The following OSBP2 variants were observed in gnomAD, a reference collection of about 807,000 sequenced individuals.
OSBP2 encodes the protein oxysterol-binding protein 2.
In OSBP2, 66 loss-of-function variants were observed where a neutral mutation model predicts 96.0. The observed-to-expected ratio is 0.69, with a 90% confidence interval of 0.56 to 0.84. The LOEUF is 0.84. Ranked by LOEUF, OSBP2 falls within the 40% of genes least tolerant of loss-of-function variation. The pLI is 0.00. For missense variants in OSBP2, 1,038 were observed against 1,222.7 expected (o/e 0.85, Z 2.25); for synonymous variants, 525 against 520.9 (o/e 1.01, Z -0.11).
At chr22:30,903,187 GTTTCC>G (rs1443817345) in intron 12 of OSBP2, among the ~76,000 whole-genome samples, 1 of 152,142 alleles carries the variant, frequency 6.6e-6, no homozygotes, top group Admixed American at 6.5e-5. Flanking sequence ...GACTCCAGGT[GTTTCC>G]TTTCACTTCC....
intron 2 of OSBP2, among the ~76,000 whole-genome samples, chr22:30,755,665 C>T (rs1206761504): frequency 6.6e-6 from 1 of 152,078 alleles, no homozygotes; most frequent in Non-Finnish European, 1.5e-5. Context: ...TTTATAAGGT[C>T]CCCACAGGGT....
intron 3 of OSBP2, among the ~76,000 whole-genome samples, chr22:30,886,773 G>A (rs1201761713): frequency 6.6e-6 from 1 of 152,104 alleles, no homozygotes; most frequent in African/African-American, 2.4e-5. Context: ...TAGGAATTTG[G>A]GCAAGATAAA....
rs531519651 is a variant in OSBP2 at position 30,904,595 on chromosome 22, A to AATAT, written c.2376-1228_2376-1225dup. 3.0e-3 allele frequency among the ~76,000 whole-genome samples: 444 copies of AATAT among 149,908 alleles called. 2 individuals carry two copies. Among genetic ancestry groups the AATAT allele is most frequent in the South Asian group, 0.025 (118 of 4,734 alleles). On this transcript the variant is annotated intron_variant, in intron 12 of 13. Coordinates refer to ENST00000332585, the MANE Select transcript of OSBP2 (RefSeq NM_030758.4). ...ACAAAAGAAATGCTTACATAATTAA[A>AATAT]ATATATATATATATATACACACATT... is the stretch of plus-strand genomic sequence containing the variant.
chr22:30,725,199 A>AAC (rs1291479905), intron 1 of OSBP2, among the ~76,000 whole-genome samples: 3 of 144,512 alleles, frequency 2.1e-5, no homozygotes, highest in Non-Finnish European at 4.6e-5. Context: ...CAAAAAAACA[A>AAC]AAAAAAAACA....
chr22:30,906,091 G>A (rs558408127), intron 13 of OSBP2, 22 bp downstream of exon 13: 7 of 1,522,112 alleles, frequency 4.6e-6, no homozygotes, highest in South Asian at 1.2e-5. Flanking sequence ...CGGGAAGGGC[G>A]CCCCGGAGGG....
At chr22:30,869,323 C>T (rs1214274531) in intron 2 of OSBP2, among the ~76,000 whole-genome samples, 2 of 152,222 alleles carry the variant, frequency 1.3e-5, no homozygotes, top group Non-Finnish European at 2.9e-5. Flanking sequence ...CTCTCAGAGC[C>T]TCGATTTCCT....
chr22:30,898,969 G>A (rs2040128167), intron 12 of OSBP2, among the ~76,000 whole-genome samples: 2 of 151,566 alleles, frequency 1.3e-5, no homozygotes, highest in Admixed American at 1.3e-4. Context: ...GAAAACTACT[G>A]ACAAGACTGA....
chr22:30,783,892 G>A (rs1053873273), intron 2 of OSBP2, among the ~76,000 whole-genome samples: 6 of 152,222 alleles, frequency 3.9e-5, no homozygotes, highest in Admixed American at 2.6e-4. Context: ...TGGTGCTGAA[G>A]AGGAGAGCTT....
chr22:30,779,048 T>C (rs950270766), intron 2 of OSBP2, among the ~76,000 whole-genome samples: 1 of 148,168 alleles, frequency 6.7e-6, no homozygotes, highest in Non-Finnish European at 1.5e-5. Context: ...AAAAAAAAAA[T>C]ACTGATTTAA....
intron 2 of OSBP2, among the ~76,000 whole-genome samples, chr22:30,820,328 G>C (rs2038247433): frequency 1.3e-5 from 2 of 152,076 alleles, no homozygotes; most frequent in African/African-American, 4.8e-5. Context: ...ATTTGAGTCT[G>C]CAGTGAGCTA....
intron 2 of OSBP2, among the ~76,000 whole-genome samples, chr22:30,801,647 A>T (rs574840398): frequency 6.6e-6 from 1 of 152,320 alleles, no homozygotes; most frequent in Middle Eastern, 3.4e-3. Context: ...ATTTGAATTA[A>T]TGTGGCATTA....
At chr22:30,878,666 A>G (rs1400500516) in intron 3 of OSBP2, among the ~76,000 whole-genome samples, 2 of 152,144 alleles carry the variant, frequency 1.3e-5, no homozygotes, top group Admixed American at 1.3e-4. Flanking sequence ...GTAGATGCTT[A>G]CCAGGCCTGA....
intron 2 of OSBP2, chr22:30,822,787 G>C (rs1215529295): frequency 4.6e-6 from 6 of 1,310,460 alleles, no homozygotes; most frequent in African/African-American, 1.5e-5. Context: ...GCTTTGCTGC[G>C]TGATCGATCC....
intron 8 of OSBP2, among the ~76,000 whole-genome samples, 165 bp downstream of exon 8, chr22:30,891,138 G>A (rs1417373479): frequency 6.6e-6 from 1 of 152,228 alleles, no homozygotes; most frequent in Non-Finnish European, 1.5e-5. Flanking sequence ...GGCCTTCCAT[G>A]GCAGGGGCAG....
chr22:30,725,545 CA>C (rs71202009), intron 1 of OSBP2, among the ~76,000 whole-genome samples: 39 of 144,000 alleles, frequency 2.7e-4, no homozygotes, highest in African/African-American at 4.3e-4. Context: ...AAAACAAAAA[CA>C]AAAAAAAAAA....
chr22:30,899,379 G>A (rs554761169), intron 12 of OSBP2, among the ~76,000 whole-genome samples: 4 of 150,306 alleles, frequency 2.7e-5, no homozygotes, highest in East Asian at 3.9e-4. Context: ...ATACCAGCCT[G>A]GGTGACAAAG....
At chr22:30,899,970 A>C (rs1179097644) in intron 12 of OSBP2, among the ~76,000 whole-genome samples, 1 of 152,212 alleles carries the variant, frequency 6.6e-6, no homozygotes, top group Non-Finnish European at 1.5e-5. Context: ...TTAAGATAAG[A>C]CACCAAGACT....
intron 1 of OSBP2, among the ~76,000 whole-genome samples, chr22:30,708,559 G>T (rs1194028976): frequency 8.1e-6 from 1 of 123,136 alleles, no homozygotes; most frequent in African/African-American, 3.1e-5. Flanking sequence ...CATGATCTTG[G>T]CTCACTGTAA....
At chr22:30,852,329 T>C (rs2038993133) in intron 2 of OSBP2, among the ~76,000 whole-genome samples, 1 of 152,210 alleles carries the variant, frequency 6.6e-6, no homozygotes, top group Non-Finnish European at 1.5e-5. Flanking sequence ...TGAGTTTCTT[T>C]ATAAAGGGCT....
Sources: allele counts gnomAD v4.1 joint callset (sites outside exome capture counted in the v4.1 genomes callset), GRCh38; gene constraint gnomAD v4.1.1; transcripts MANE v1.5; gene names NCBI Gene and HGNC (gene_info 2026-07-23, HGNC 2026-07-21).